Variants in ZNG1E observed in about 807,000 individuals in gnomAD.
ZNG1E encodes the protein zinc-regulated GTPase metalloprotein activator 1E.
At chr9:65,672,213 T>C in the ZNG1E span, among the ~76,000 whole-genome samples, 7,508 of 116,626 alleles carry the variant, frequency 0.064, 1 homozygote, top group African/African-American at 0.12. Context: ...ATAATGCATT[T>C]AATGTGCTTA....
At chr9:65,680,710 A>C in the ZNG1E span, among the ~76,000 whole-genome samples, 2 of 152,272 alleles carry the variant, frequency 1.3e-5, no homozygotes, top group African/African-American at 4.8e-5. Context: ...TAATTCTTAT[A>C]GATAACAAGC....
the ZNG1E span, among the ~76,000 whole-genome samples, chr9:65,658,866 C>G: frequency 6.6e-6 from 1 of 150,628 alleles, no homozygotes. Context: ...TCTGTGTCCT[C>G]GTCTCCTCTT....
the ZNG1E span, among the ~76,000 whole-genome samples, chr9:65,668,232 G>T: frequency 6.6e-6 from 1 of 151,886 alleles, no homozygotes; most frequent in Non-Finnish European, 1.5e-5. Flanking sequence ...GTCTAAACAG[G>T]AATATTCTTT....
chr9:65,662,158 C>T, the ZNG1E span, among the ~76,000 whole-genome samples: 81 of 152,330 alleles, frequency 5.3e-4, no homozygotes, highest in African/African-American at 1.9e-3. Context: ...TTGTAGTATC[C>T]CTGCCAAAAA....
the ZNG1E span, among the ~76,000 whole-genome samples, chr9:65,664,055 T>C: frequency 6.6e-6 from 1 of 152,356 alleles, no homozygotes. Context: ...TTTACTGAAA[T>C]GGAATCATAC....
At chr9:65,684,512 A>C in the ZNG1E span, among the ~76,000 whole-genome samples, 1 of 152,040 alleles carries the variant, frequency 6.6e-6, no homozygotes, top group African/African-American at 2.4e-5. Flanking sequence ...ACTCCAGCCC[A>C]GGCAACAGAG....
the ZNG1E span, among the ~76,000 whole-genome samples, chr9:65,689,444 C>G: frequency 7.7e-6 from 1 of 130,236 alleles, no homozygotes; most frequent in Non-Finnish European, 1.6e-5. Flanking sequence ...CCAAATATTC[C>G]CTGGGGAGAA....
chr9:65,717,617 C>A, the ZNG1E span, among the ~76,000 whole-genome samples: 2 of 149,436 alleles, frequency 1.3e-5, no homozygotes, highest in Non-Finnish European at 2.9e-5. Context: ...AGTTACAGAT[C>A]CTGTGATACA....
At chr9:65,728,405 C>CA in the ZNG1E span, among the ~76,000 whole-genome samples, 35 of 148,196 alleles carry the variant, frequency 2.4e-4, 1 homozygote, top group African/African-American at 7.7e-4. Context: ...AACAAAACAA[C>CA]AAAAAAATCC....
chr9:65,728,227 C>T, the ZNG1E span, among the ~76,000 whole-genome samples: 1 of 152,264 alleles, frequency 6.6e-6, no homozygotes, highest in African/African-American at 2.4e-5. Flanking sequence ...CTATCAACCT[C>T]TGGGATACAG....
chr9:65,668,231 G>C, the ZNG1E span, among the ~76,000 whole-genome samples: 746 of 151,976 alleles, frequency 4.9e-3, no homozygotes, highest in African/African-American at 0.017. Context: ...AGTCTAAACA[G>C]GAATATTCTT....
At chr9:65,661,113 A>G in the ZNG1E span, among the ~76,000 whole-genome samples, 2 of 148,052 alleles carry the variant, frequency 1.4e-5, no homozygotes, top group East Asian at 2.0e-4. Context: ...TAAAAATAAA[A>G]TTATCCTGAT....
the ZNG1E span, among the ~76,000 whole-genome samples, chr9:65,656,231 TG>T: frequency 6.9e-6 from 1 of 144,058 alleles, no homozygotes; most frequent in Non-Finnish European, 1.5e-5. Flanking sequence ...TGAGTAGAGG[TG>T]ATCAATTACA....
the ZNG1E span, among the ~76,000 whole-genome samples, chr9:65,691,289 G>A: frequency 1.1e-4 from 17 of 150,348 alleles, no homozygotes; most frequent in Non-Finnish European, 1.5e-5. Flanking sequence ...CGCCATGTTG[G>A]CCTGACTGGT....
chr9:65,663,958 C>T, the ZNG1E span, among the ~76,000 whole-genome samples: 11 of 152,220 alleles, frequency 7.2e-5, no homozygotes, highest in Non-Finnish European at 1.5e-4. Context: ...CATATATCAG[C>T]ATACATATAT....
the ZNG1E span, among the ~76,000 whole-genome samples, chr9:65,693,184 C>G: frequency 1.3e-5 from 2 of 148,820 alleles, no homozygotes; most frequent in African/African-American, 2.6e-5. Flanking sequence ...TAAGAAGACT[C>G]TCTCCATTAA....
chr9:65,693,430 A>G, the ZNG1E span: 1 of 1,284,634 alleles, frequency 7.8e-7, no homozygotes. Context: ...CATCCCACCC[A>G]CTGACCCGTT....
chr9:65,663,891 A>T, the ZNG1E span, among the ~76,000 whole-genome samples: 2 of 152,084 alleles, frequency 1.3e-5, no homozygotes, highest in African/African-American at 2.4e-5. Context: ...GTACTCCCTG[A>T]GGTAGTTCAT....
the ZNG1E span, among the ~76,000 whole-genome samples, chr9:65,664,959 TA>T: frequency 2.0e-5 from 3 of 152,352 alleles, no homozygotes; most frequent in East Asian, 5.8e-4. Flanking sequence ...TGATTTAGGG[TA>T]CCTGGCAGAA....
Sources: gnomAD v4.1 joint callset for allele counts (sites outside exome capture counted in the v4.1 genomes callset) on GRCh38, gnomAD v4.1.1 for gene constraint, MANE v1.5 for transcripts, NCBI Gene and HGNC (gene_info 2026-07-23, HGNC 2026-07-21) for gene names.